The following COL4A6 variants were observed in gnomAD, a reference collection of about 807,000 sequenced individuals.
The protein encoded by COL4A6 is collagen alpha-6(IV) chain.
In COL4A6, 59 loss-of-function variants were observed where a neutral mutation model predicts 126.7. The observed-to-expected ratio is 0.47, with a 90% CI of 0.38 to 0.58. The LOEUF (loss-of-function observed/expected upper bound fraction) is 0.58. COL4A6 is among the 20% of genes least tolerant of loss of function. COL4A6 has a pLI of 0.00. For missense variants in COL4A6, 1,285 were observed against 1,337.3 expected, an observed-to-expected ratio of 0.96 and a Z score of 0.61; for synonymous variants, 547 against 496.6, an observed-to-expected ratio of 1.10 and a Z score of -1.35.
intron 5 of COL4A6, among the ~76,000 whole-genome samples, chrX:108,215,740 C>T (rs55964465): frequency 1.8e-5 from 2 of 111,220 alleles, no homozygotes; most frequent in African/African-American, 6.6e-5. Flanking sequence ...TTTCATGGTT[C>T]CAGATCTCAG....
rs1346977123 is a variant in COL4A6 at position 108,202,973 on chromosome X, T to C, written c.789A>G (p.Pro263=). The change falls in exon 13 of 45, where the codon CCA becomes CCG. Residue 263 remains proline (P), a synonymous_variant. Coordinates refer to ENST00000334504, the MANE Select transcript of COL4A6 (RefSeq NM_033641.4). ...PKGKKGSKGE[P]GPKGFPGISG... ...TTATGCCTGGAAAACCCTTAGGCCC[T>C]GGTTCACCCTGGAAAATCAGCCCAA... The C allele has an allele frequency of 8.3e-7, 1 of 1,209,814 alleles. No homozygotes were observed. The highest frequency in any genetic ancestry group is 1.1e-6 in the Non-Finnish European group (1 of 894,040).
intron 2 of COL4A6, among the ~76,000 whole-genome samples, chrX:108,372,056 A>G (rs1221016389): frequency 9.0e-6 from 1 of 111,150 alleles, no homozygotes; most frequent in African/African-American, 3.3e-5. Flanking sequence ...GTAAACAAGC[A>G]TTATGAAAGC....
rs543007953 is a variant in COL4A6 at position 108,224,517 on chromosome X, C to T, written c.145-3143G>A. Among the ~76,000 whole-genome samples the T allele has an allele frequency of 9.0e-5, 10 of 110,980 alleles. No homozygotes were observed. In the South Asian group the frequency reaches 3.5e-3, roughly 39 times the overall value. ...TGTGGGAAGTTTCTAGGCTTCTGCT[C>T]ATCCAGAACTGTCCCCTCAGCATGG... On this transcript the variant is annotated intron_variant, in intron 3 of 44. Transcript: ENST00000334504.
chrX:108,430,793 A>G (rs1486831848), intron 2 of COL4A6, among the ~76,000 whole-genome samples: 1 of 111,985 alleles, frequency 8.9e-6, no homozygotes, highest in African/African-American at 3.2e-5. Flanking sequence ...TGTCATGGGA[A>G]GGAGAAGAAA....
chrX:108,317,712 AG>A (rs1416557199), intron 2 of COL4A6, among the ~76,000 whole-genome samples: 1 of 111,177 alleles, frequency 9.0e-6, no homozygotes, highest in Non-Finnish European at 1.9e-5. Context: ...TGTTTTTCTC[AG>A]GTTTGTCAAA....
chrX:108,437,441 T>C (rs1439187066), intron 2 of COL4A6, among the ~76,000 whole-genome samples: 1 of 111,564 alleles, frequency 9.0e-6, no homozygotes, highest in Non-Finnish European at 1.9e-5. Context: ...GTGGTATCAG[T>C]TCAATTCAGG....
chrX:108,229,686 T>TG (rs781514281), intron 3 of COL4A6, among the ~76,000 whole-genome samples: 2 of 112,746 alleles, frequency 1.8e-5, no homozygotes, highest in Non-Finnish European at 3.8e-5. Flanking sequence ...CAAATGATTA[T>TG]GGCTTGTGCA....
At chrX:108,166,410 A>G (rs1467538714) in intron 37 of COL4A6, among the ~76,000 whole-genome samples, 1 of 112,747 alleles carries the variant, frequency 8.9e-6, no homozygotes, top group African/African-American at 3.2e-5. Context: ...AAATGAAGAT[A>G]AATGGATTCA....
At chrX:108,359,310 A>C (rs776820184) in intron 2 of COL4A6, among the ~76,000 whole-genome samples, 1 of 112,604 alleles carries the variant, frequency 8.9e-6, no homozygotes, top group African/African-American at 3.2e-5. Flanking sequence ...CCACACAGCT[A>C]ATCAGTGACG....
Position 108,207,004 on chromosome X carries a change from T to C in COL4A6, c.547-424A>G, listed in dbSNP as rs540459632. On this transcript the variant is annotated intron_variant, in intron 8 of 44. Coordinates refer to ENST00000334504, the MANE Select transcript of COL4A6 (RefSeq NM_033641.4). ...AGGAGGGAACTTTCTGAGGTGATAG[T>C]AATGTTCTATACCTGAATAGAGGTT... 2.7e-5 allele frequency among the ~76,000 whole-genome samples: 3 copies of C among 111,594 alleles called. No individual in the cohort carries two copies. The South Asian group carries it at 1.1e-3, about 42-fold the overall frequency.
chrX:108,172,365 GAAAAAAAAA>G (rs397935341), intron 32 of COL4A6, 95 bp downstream of exon 32: 112 of 111,176 alleles, frequency 1.0e-3, no homozygotes, highest in Middle Eastern at 6.7e-3. Context: ...GCCTAAAAAA[GAAAAAAAAA>G]AAAAAAAAAA....
chrX:108,198,906 A>T (rs2035304669), intron 13 of COL4A6, among the ~76,000 whole-genome samples: 1 of 110,398 alleles, frequency 9.1e-6, no homozygotes, highest in Non-Finnish European at 1.9e-5. Flanking sequence ...CATCTATTCC[A>T]TTTTTGCCTT....
intron 3 of COL4A6, among the ~76,000 whole-genome samples, chrX:108,290,504 G>A (rs751945584): frequency 1.8e-5 from 2 of 112,221 alleles, no homozygotes; most frequent in African/African-American, 3.2e-5. Flanking sequence ...CAGAGCTAAC[G>A]TTTAATGAGT....
chrX:108,168,375 C>A (rs757702658), intron 37 of COL4A6, among the ~76,000 whole-genome samples: 2 of 112,053 alleles, frequency 1.8e-5, no homozygotes, highest in South Asian at 7.5e-4. Context: ...GAAGAACAAA[C>A]ACAGAAACTG....
In COL4A6 at chrX:108,165,529, C is replaced by T. The variant is rs753897928; in HGVS notation, c.3692-43G>A. 3.7e-5 allele frequency: 34 copies of T among 928,017 alleles called. 1 individual carries two copies. The Admixed American group carries it at 1.1e-3, about 31-fold the overall frequency. The allele number at this position is 928,017 out of a possible 1,213,427, so 76.5% of individuals were successfully genotyped here. A position where few individuals can be genotyped will look rare whatever the true frequency, so the allele number is the denominator to read the frequency against. ...AAGGGGCTGGATAGGCTCTGTGTGC[C>T]CAGAAGATGGCCAGGCTCTTTCAGA... On this transcript the variant is annotated intron_variant, in intron 37 of 44. Transcript: ENST00000334504.
At position 108,409,707 on chromosome X, in the gene COL4A6, A is replaced by G. The variant is rs927921754; in HGVS notation, c.63+28235T>C. 3.6e-5 allele frequency among the ~76,000 whole-genome samples: 4 copies of G among 112,178 alleles called. No individual in the cohort carries two copies. In the Admixed American group the frequency reaches 3.8e-4, roughly 11 times the overall value. ...CTACCCTTTTAAATTTAAGCCCCTC[A>G]AAAGTAATAAGAAAGAATGGGAAGG... On this transcript the variant is annotated intron_variant, in intron 2 of 44. Coordinates refer to ENST00000334504, the MANE Select transcript of COL4A6 (RefSeq NM_033641.4).
chrX:108,428,547 G>A (rs1318010913), intron 2 of COL4A6, among the ~76,000 whole-genome samples: 3 of 111,273 alleles, frequency 2.7e-5, no homozygotes, highest in East Asian at 5.6e-4. Flanking sequence ...CCTGGAGGAA[G>A]AGGGTCAGAA....
intron 7 of COL4A6, 109 bp from the exon 8 acceptor site, chrX:108,210,113 C>T: frequency 7.0e-6 from 5 of 719,388 alleles, no homozygotes; most frequent in South Asian, 3.1e-5. Context: ...GAACCTTGGG[C>T]CTCCTCTGTC....
intron 5 of COL4A6, 32 bp downstream of exon 5, chrX:108,219,666 G>T (rs774227063): frequency 3.1e-5 from 36 of 1,178,286 alleles, no homozygotes; most frequent in Non-Finnish European, 3.9e-5. Context: ...CCTAAAGGAG[G>T]ATATGAAAAA....
Sources: gnomAD v4.1 joint callset for allele counts (sites outside exome capture counted in the v4.1 genomes callset) on GRCh38, gnomAD v4.1.1 for gene constraint, MANE v1.5 for transcripts, NCBI Gene and HGNC (gene_info 2026-07-23, HGNC 2026-07-21) for gene names.